DNAH8: variants seen among roughly 807,000 people sequenced by gnomAD.
The protein encoded by DNAH8 is dynein axonemal heavy chain 8.
In DNAH8, 382 loss-of-function variants were observed where a neutral mutation model predicts 562.1. The ratio of observed to expected loss-of-function variants is 0.68; its 90% confidence interval spans 0.63 to 0.74. The LOEUF (loss-of-function observed/expected upper bound fraction) is 0.74, where lower values mean the gene tolerates loss of function less well. Ranked by LOEUF, DNAH8 falls within the 30% of genes least tolerant of loss-of-function variation. The pLI is 0.00. For missense variants in DNAH8, 5,203 were observed against 5,620.4 expected (o/e 0.93, Z 2.37); for synonymous variants, 1,881 against 1,919.4 (o/e 0.98, Z 0.52).
intron 3 of DNAH8, 48 bp downstream of exon 3, chr6:38,723,519 G>A: frequency 6.4e-7 from 1 of 1,559,392 alleles, no homozygotes; most frequent in African/African-American, 1.4e-5. Flanking sequence ...TTGAGTAAGT[G>A]ATTAACTTAA....
chr6:38,951,281 G>A (rs1439052952), intron 81 of DNAH8, 37 bp from the exon 82 acceptor site: 18 of 1,571,692 alleles, frequency 1.1e-5, no homozygotes, highest in Non-Finnish European at 1.3e-5. Flanking sequence ...AATTGAACAC[G>A]TTTAGTTTAT....
In DNAH8 at chr6:38,945,549, G is replaced by C; in HGVS notation, c.12090G>C (p.Glu4030Asp). 1 of 1,614,116 alleles carries C rather than the reference G, an allele frequency of 6.2e-7. No individual in the cohort carries two copies. Among genetic ancestry groups the C allele is most frequent in the Admixed American group, 1.7e-5 (1 of 60,020 alleles). The change falls in exon 80 of 93, where the codon GAG (glutamate) becomes GAC (aspartate). Residue 4030 changes from glutamate (E) to aspartate (D), a missense_variant. Glu to Asp is a conservative substitution (Grantham distance 45). Transcript: ENST00000327475. Reference sequence around the variant, plus strand: ...ACATGACTTGGCTGAATCTTGTGGAGCTGAGTAAACTTCCACAATTTGCAG... The same window carrying C: ...ACATGACTTGGCTGAATCTTGTGGACCTGAGTAAACTTCCACAATTTGCAG... The part of the protein sequence containing the change: ...ILDMTWLNLV[E>D]LSKLPQFAEI...
At chr6:38,855,708 A>G (rs572274800) in intron 41 of DNAH8, among the ~76,000 whole-genome samples, 2 of 152,278 alleles carry the variant, frequency 1.3e-5, no homozygotes, top group African/African-American at 4.8e-5. Context: ...GTTATCCTAC[A>G]GTGGTATAGA....
At chr6:38,828,380 T>A in intron 30 of DNAH8, 92 bp downstream of exon 30, 1 of 643,354 alleles carries the variant, frequency 1.6e-6, no homozygotes, top group Non-Finnish European at 2.6e-6. Flanking sequence ...TAATATACAG[T>A]CATGTGCCAC....
intron 10 of DNAH8, among the ~76,000 whole-genome samples, chr6:38,758,330 G>A (rs1331138929): frequency 3.3e-5 from 5 of 151,690 alleles, no homozygotes; most frequent in African/African-American, 1.2e-4. Context: ...CTCTCTGTTT[G>A]TCTGTTATTG....
intron 82 of DNAH8, among the ~76,000 whole-genome samples, chr6:38,960,555 A>T (rs1272901524): frequency 6.6e-6 from 1 of 152,060 alleles, no homozygotes; most frequent in Non-Finnish European, 1.5e-5. Flanking sequence ...AGAAATACAA[A>T]TCAAAACTAC....
At chr6:38,848,537 G>A in intron 36 of DNAH8, 111 bp from the exon 37 acceptor site, 1 of 873,796 alleles carries the variant, frequency 1.1e-6, no homozygotes, top group Non-Finnish European at 1.7e-6. Flanking sequence ...GCCCTTTAAG[G>A]ACAAAACATT....
chr6:38,949,149 T>C (rs974068648), intron 80 of DNAH8, among the ~76,000 whole-genome samples: 5 of 152,180 alleles, frequency 3.3e-5, no homozygotes, highest in Admixed American at 3.3e-4. Context: ...CAGATCCAAA[T>C]GACAGTAATA....
At chr6:38,772,074 G>C (rs1038875115) in intron 12 of DNAH8, among the ~76,000 whole-genome samples, 1 of 146,174 alleles carries the variant, frequency 6.8e-6, no homozygotes, top group African/African-American at 2.5e-5. Context: ...TTTCGCCCAG[G>C]CCAGAGTGCA....
In DNAH8 at chr6:38,722,577, G is replaced by T. The variant is rs113777162; in HGVS notation, c.-34-199G>T. ...TAAAGTCTGAAAAAGCTCCCAGGTG[G>T]GTGGGGGTGTGTGTGTGTGTGTGTG... On this transcript the variant is annotated intron_variant, in intron 1 of 92. Coordinates refer to ENST00000327475, the MANE Select transcript of DNAH8 (RefSeq NM_001206927.2). 1.9e-3 allele frequency among the ~76,000 whole-genome samples: 285 copies of T among 150,970 alleles called. 2 individuals carry two copies. The highest frequency in any genetic ancestry group is 5.0e-3 in the African/African-American group (207 of 41,070).
chr6:39,026,194 CTTA>C (rs1309674967), intron 91 of DNAH8, among the ~76,000 whole-genome samples: 1 of 152,226 alleles, frequency 6.6e-6, no homozygotes, highest in Non-Finnish European at 1.5e-5. Flanking sequence ...CCATTCCGAT[CTTA>C]TTCCTCAATA....
chr6:38,995,837 C>T (rs573936954), intron 88 of DNAH8, among the ~76,000 whole-genome samples: 1 of 152,330 alleles, frequency 6.6e-6, no homozygotes, highest in South Asian at 2.1e-4. Flanking sequence ...CGTGCCTCTC[C>T]TAAAGGAATG....
intron 11 of DNAH8, 72 bp from the exon 12 acceptor site, chr6:38,770,341 G>A: frequency 1.1e-6 from 1 of 945,852 alleles, no homozygotes. Context: ...TGTGAGGGTA[G>A]AGTTTTTGAA....
At chr6:38,925,998 C>G in intron 73 of DNAH8, 57 bp from the exon 74 acceptor site, 1 of 1,440,096 alleles carries the variant, frequency 6.9e-7, no homozygotes, top group Non-Finnish European at 9.4e-7. Flanking sequence ...CTTTTAATTA[C>G]TAATGAGGGC....
At position 38,753,957 on chromosome 6, in the gene DNAH8, C is replaced by A. The variant is rs187731653; in HGVS notation, c.1408-2015C>A. ...ACTATATCTGTACTTTCAACAATTC[C>A]TTTTTCCCCCTCATTTTCTTTATTC... On this transcript the variant is annotated intron_variant, in intron 9 of 92. Coordinates refer to ENST00000327475, the MANE Select transcript of DNAH8 (RefSeq NM_001206927.2). 2.1e-3 allele frequency among the ~76,000 whole-genome samples: 322 copies of A among 152,260 alleles called. 1 individual carries two copies. Among genetic ancestry groups the A allele is most frequent in the African/African-American group, 7.4e-3 (307 of 41,566 alleles).
Position 38,901,998 on chromosome 6 carries a change from A to G in DNAH8, c.9194+2092A>G, listed in dbSNP as rs115926296. Among the ~76,000 whole-genome samples, 239 of 152,242 alleles carry G rather than the reference A, an allele frequency of 1.6e-3. 1 individual carries two copies. Among genetic ancestry groups the G allele is most frequent in the African/African-American group, 5.2e-3 (216 of 41,522 alleles). On this transcript the variant is annotated intron_variant, in intron 62 of 92. Transcript: ENST00000327475. ...GCTGCCTCCTTGGATGGGACATGCAATCCTCCAATCCACAGGCCCCAACAG... is the reference window on the plus strand; with the variant it reads ...GCTGCCTCCTTGGATGGGACATGCAGTCCTCCAATCCACAGGCCCCAACAG...
chr6:38,776,189 A>G (rs1355218091), intron 13 of DNAH8, among the ~76,000 whole-genome samples: 1 of 151,866 alleles, frequency 6.6e-6, no homozygotes, highest in African/African-American at 2.4e-5. Flanking sequence ...AGTAACTAGA[A>G]GCCCAAAGGG....
intron 75 of DNAH8, among the ~76,000 whole-genome samples, chr6:38,930,799 A>G (rs910127344): frequency 6.6e-6 from 1 of 152,150 alleles, no homozygotes; most frequent in Non-Finnish European, 1.5e-5. Flanking sequence ...AATGATTACC[A>G]CAATCAAATT....
chr6:38,776,031 A>G, intron 13 of DNAH8, 80 bp downstream of exon 13: 3 of 851,144 alleles, frequency 3.5e-6, no homozygotes, highest in Non-Finnish European at 5.8e-6. Context: ...GTAAATATTC[A>G]CATGTAGTAA....
Sources: gnomAD v4.1 joint callset for allele counts (sites outside exome capture counted in the v4.1 genomes callset) on GRCh38, gnomAD v4.1.1 for gene constraint, MANE v1.5 for transcripts, NCBI Gene and HGNC (gene_info 2026-07-23, HGNC 2026-07-21) for gene names.